PWWP2A: variants seen among roughly 807,000 people sequenced by gnomAD.
The protein encoded by PWWP2A is PWWP domain-containing protein 2A.
In PWWP2A, 18 loss-of-function variants were observed where a neutral mutation model predicts 48.5. The ratio of observed to expected loss-of-function variants is 0.37; its 90% CI spans 0.26 to 0.55. PWWP2A has a LOEUF of 0.55. Among genes scored for constraint, PWWP2A ranks in the 20% least tolerant of loss-of-function variants. The pLI, the probability that PWWP2A is intolerant of heterozygous loss-of-function variation, is 0.81. For missense variants in PWWP2A, 867 were observed against 976.4 expected (o/e 0.89, Z 1.49); for synonymous variants, 396 against 387.7 (o/e 1.02, Z -0.25).
At chr5:160,070,222 T>A (rs1160577938) in intron 2 of PWWP2A, among the ~76,000 whole-genome samples, 1 of 152,122 alleles carries the variant, frequency 6.6e-6, no homozygotes, top group East Asian at 1.9e-4. Flanking sequence ...ATCCCAACAC[T>A]TTGGGAGGCA....
At chr5:160,117,656 CAAA>C (rs1288427863) in intron 1 of PWWP2A, among the ~76,000 whole-genome samples, 4 of 103,950 alleles carry the variant, frequency 3.8e-5, no homozygotes, top group African/African-American at 6.9e-5. Context: ...GACTCCGTCT[CAAA>C]AAAAAAAAAA....
chr5:160,064,392 C>T (rs1489855825), intron 4 of PWWP2A, among the ~76,000 whole-genome samples: 1 of 152,176 alleles, frequency 6.6e-6, no homozygotes. Context: ...AATGGCTAGT[C>T]TGGTATAGAA....
chr5:160,046,606 GTTATGTTATATTTATGT>G, the PWWP2A span, among the ~76,000 whole-genome samples: 49 of 151,384 alleles, frequency 3.2e-4, no homozygotes, highest in Admixed American at 6.0e-4. Context: ...TTCAAAACAT[GTTATGTTATATTTATGT>G]TTATGTTATA....
downstream of PWWP2A, among the ~76,000 whole-genome samples, chr5:160,074,766 CAAA>C (rs1339275225): frequency 6.7e-6 from 1 of 148,640 alleles, no homozygotes; most frequent in South Asian, 2.1e-4. Flanking sequence ...AAAAAAAAAA[CAAA>C]AAAAACCTCT....
downstream of PWWP2A, among the ~76,000 whole-genome samples, chr5:160,086,613 C>A (rs938531740): frequency 7.9e-5 from 12 of 152,032 alleles, no homozygotes; most frequent in African/African-American, 2.9e-4. Flanking sequence ...GCTTTATGGG[C>A]CAGGCGCAGT....
At position 160,093,541 on chromosome 5, in the gene PWWP2A, T is replaced by C. The variant is rs1210463288; in HGVS notation, c.1109A>G (p.Lys370Arg). The C allele has an allele frequency of 2.5e-6, 4 of 1,613,768 alleles. No homozygotes were observed. The highest frequency in any genetic ancestry group is 3.4e-6 in the Non-Finnish European group (4 of 1,179,838). ...TTCATTTTGGTTTTTCCCATCCACT[T>C]TATGGTCAGTTTTCAGTTTTTTGTT... Reference protein sequence around the residue: ...TVNKKLKTDHKVDGKNQNESQ... With the variant: ...TVNKKLKTDHRVDGKNQNESQ... Residue 370 changes from lysine (K) to arginine (R), a missense_variant, in exon 2 of 2, where the codon AAA becomes AGA. By Grantham distance (26) the Lys-to-Arg change is conservative (BLOSUM62 2). Around this residue, in one of 4 missense-constraint regions of PWWP2A, gnomAD observed 382 missense variants for 407.2 expected, o/e 0.94. Coordinates refer to ENST00000307063, the MANE Select transcript of PWWP2A (RefSeq NM_001130864.2). The surrounding 1 kb of genome is among the most constrained non-coding windows in gnomAD (Gnocchi z 5.8).
chr5:160,117,798 G>A (rs375404826), intron 1 of PWWP2A: 1 of 741,354 alleles, frequency 1.3e-6, no homozygotes, highest in East Asian at 1.3e-4. Context: ...GTCTTGATGG[G>A]AGAGCAAGCA....
At chr5:160,065,722 A>T (rs1017886838) in intron 4 of PWWP2A, among the ~76,000 whole-genome samples, 1 of 152,260 alleles carries the variant, frequency 6.6e-6, no homozygotes, top group Non-Finnish European at 1.5e-5. Context: ...ACCATGTACT[A>T]GAATTCAGAA....
the PWWP2A span, among the ~76,000 whole-genome samples, chr5:160,056,437 T>G: frequency 6.6e-6 from 1 of 152,198 alleles, no homozygotes; most frequent in Non-Finnish European, 1.5e-5. Context: ...GGCATGGTGG[T>G]CATGCCTATA....
At chr5:160,111,237 A>AGGTT (rs1757538445) in intron 1 of PWWP2A, among the ~76,000 whole-genome samples, 2 of 152,072 alleles carry the variant, frequency 1.3e-5, no homozygotes, top group African/African-American at 4.8e-5. Context: ...GCATGATCTC[A>AGGTT]GCTCACTGCA....
In PWWP2A at chr5:160,093,510, C is replaced by A; in HGVS notation, c.1140G>T (p.Gln380His). 5 of 1,613,930 alleles carry A rather than the reference C, an allele frequency of 3.1e-6. No individual in the cohort carries two copies. Among genetic ancestry groups the A allele is most frequent in the Non-Finnish European group, 3.4e-6 (4 of 1,179,874 alleles). Residue 380 changes from glutamine to histidine, a missense_variant, in exon 2 of 2, where the codon CAG becomes CAT. This residue lies in a region of PWWP2A where 382 missense variants were observed against 407.2 expected (regional missense o/e 0.94). Transcript: ENST00000307063. The surrounding 1 kb of genome is among the most constrained non-coding windows in gnomAD (Gnocchi z 5.8). ...KVDGKNQNES[Q>H]KRNAVVKVSN... The stretch of plus-strand genomic sequence containing the variant: ...AAACCTTAACCACAGCATTTCTTTT[C>A]TGGCTTTCATTTTGGTTTTTCCCAT...
rs534207500 is a variant in PWWP2A, at chr5:160,106,768, A to G, written c.584+12037T>C. Reference sequence around the variant, plus strand: ...AGCCACCCGAGTTGCCCATCCCCACATGATACATTGCTTAGTTTGTAATTA... The same window carrying G: ...AGCCACCCGAGTTGCCCATCCCCACGTGATACATTGCTTAGTTTGTAATTA... On this transcript the variant is annotated intron_variant, in intron 1 of 1. Coordinates refer to ENST00000307063, the MANE Select transcript of PWWP2A (RefSeq NM_001130864.2). 9.9e-5 allele frequency among the ~76,000 whole-genome samples: 15 copies of G among 150,934 alleles called. No homozygotes were observed. In the South Asian group the frequency reaches 2.5e-3, roughly 25 times the overall value.
At chr5:160,082,878 G>C (rs1419956758) in intron 2 of PWWP2A, among the ~76,000 whole-genome samples, 1 of 152,124 alleles carries the variant, frequency 6.6e-6, no homozygotes, top group Non-Finnish European at 1.5e-5. Context: ...AAGCTTAAGT[G>C]CAACAATGGC....
intron 4 of PWWP2A, chr5:160,065,303 G>A (rs760904226): frequency 3.1e-5 from 20 of 653,628 alleles, no homozygotes; most frequent in East Asian, 1.3e-4. Context: ...TGGTGTCCCC[G>A]ATTCTGGCTG....
At position 160,093,628 on chromosome 5, in the gene PWWP2A, C is replaced by T. The variant is rs971967224; in HGVS notation, c.1022G>A (p.Ser341Asn). Residue 341 changes from serine (S) to asparagine (N), a missense_variant, in exon 2 of 2, where the codon AGT becomes AAT. Ser to Asn is a conservative substitution (Grantham distance 46). Coordinates refer to ENST00000307063, the MANE Select transcript of PWWP2A (RefSeq NM_001130864.2). The surrounding 1 kb of genome is among the most constrained non-coding windows in gnomAD (Gnocchi z 5.8). ...TTCATATTTAGAAGAGTCAGTTGCACTACTACCTTTTCTAATTTCCTTTTT... is the reference window on the plus strand; with the variant it reads ...TTCATATTTAGAAGAGTCAGTTGCATTACTACCTTTTCTAATTTCCTTTTT... ...AEKKEIRKGSSATDSSKYEDK... is the reference protein window; with the variant it reads ...AEKKEIRKGSNATDSSKYEDK... The T allele has an allele frequency of 3.1e-6, 5 of 1,613,888 alleles. No homozygotes were observed. In the Admixed American group the frequency reaches 6.7e-5, roughly 22 times the overall value.
Position 160,119,396 on chromosome 5 carries a change from C to G in PWWP2A, c.-8G>C, listed in dbSNP as rs1418162909. On this transcript the variant is annotated 5_prime_UTR_variant, in exon 1 of 2. Transcript: ENST00000307063. ...TGCAGCCACGGCCGCCATTTTCTTCCTAGCTTCTCCCTCCTCCAACTCCGG... is the reference window on the plus strand; with the variant it reads ...TGCAGCCACGGCCGCCATTTTCTTCGTAGCTTCTCCCTCCTCCAACTCCGG... 1.5e-6 allele frequency: 2 copies of G among 1,362,064 alleles called. No individual in the cohort carries two copies. Among genetic ancestry groups the G allele is most frequent in the East Asian group, 3.1e-5 (1 of 32,294 alleles). The allele number at this position is 1,362,064 out of a possible 1,614,324, so 84.4% of individuals were successfully genotyped here. A position where few individuals can be genotyped will look rare whatever the true frequency, so the allele number is the denominator to read the frequency against.
chr5:160,090,544 T>G, downstream of PWWP2A: 3 of 984,082 alleles, frequency 3.0e-6, no homozygotes, highest in Middle Eastern at 5.2e-4. Context: ...AAGTGAAACA[T>G]GTTTTCAAAA....
At chr5:160,085,824 T>C (rs1277549824) in intron 2 of PWWP2A, among the ~76,000 whole-genome samples, 1 of 150,418 alleles carries the variant, frequency 6.6e-6, no homozygotes, top group Non-Finnish European at 1.5e-5. Flanking sequence ...CATATTCTTT[T>C]TTTTTTTGTT....
At chr5:160,104,215 G>A (rs1205072004) in intron 1 of PWWP2A, among the ~76,000 whole-genome samples, 2 of 151,826 alleles carry the variant, frequency 1.3e-5, no homozygotes, top group Admixed American at 1.3e-4. Flanking sequence ...TAGCACTTTA[G>A]GAGGTTGAGG....
Sources: gnomAD v4.1 joint callset for allele counts (sites outside exome capture counted in the v4.1 genomes callset) on GRCh38, gnomAD v4.1.1 for gene constraint, gnomAD v4.1.1 regional missense constraint, Gnocchi (gnomAD v3.1) non-coding constraint, MANE v1.5 for transcripts, NCBI Gene and HGNC (gene_info 2026-07-23, HGNC 2026-07-21) for gene names.